UBL5: variants seen among roughly 807,000 people sequenced by gnomAD.
The protein encoded by UBL5 is ubiquitin like 5, also known as ubiquitin-like protein 5.
A neutral mutation model predicts 11.7 loss-of-function variants in UBL5; 13 were observed. That is an observed-to-expected ratio of 1.11 (90% CI 0.73 to 1.77). UBL5 has a LOEUF of 1.77. Among genes scored for constraint, UBL5 ranks in the 40% most tolerant of loss-of-function variants. The pLI is 0.00. For missense variants in UBL5, 58 were observed against 92.3 expected (o/e 0.63, Z 1.52); for synonymous variants, 28 against 34.7 (o/e 0.81, Z 0.68).
At chr19:9,829,934 G>C in intron 4 of UBL5, 31 bp from the exon 5 acceptor site, 1 of 1,614,012 alleles carries the variant, frequency 6.2e-7, no homozygotes, top group South Asian at 1.1e-5. Flanking sequence ...ACGGAAGTCA[G>C]AGTCAGGATT....
intron 4 of UBL5, 174 bp from the exon 5 acceptor site, chr19:9,829,791 C>G: frequency 1.5e-6 from 1 of 652,006 alleles, no homozygotes; most frequent in South Asian, 1.9e-5. Flanking sequence ...GCCACTGCAC[C>G]CAGCCAGAAA....
chr19:9,828,024 C>G, intron 1 of UBL5, 40 bp downstream of exon 1: 1 of 482,910 alleles, frequency 2.1e-6, no homozygotes, highest in South Asian at 2.5e-5. Flanking sequence ...TCGGAGAAAG[C>G]TGTCGCGACC....
intron 4 of UBL5, 197 bp downstream of exon 4, chr19:9,829,071 G>C (rs2046041338): frequency 8.1e-6 from 5 of 619,754 alleles, no homozygotes; most frequent in Non-Finnish European, 1.4e-5. Context: ...TTGACTTCAA[G>C]TTCAAAATAT....
intron 4 of UBL5, 86 bp from the exon 5 acceptor site, chr19:9,829,879 C>T: frequency 6.6e-7 from 1 of 1,523,676 alleles, no homozygotes; most frequent in Non-Finnish European, 9.1e-7. Flanking sequence ...TGGGCTGAGA[C>T]CTCAGGCCAC....
In UBL5 at chr19:9,828,343, C is replaced by T. The variant is rs1484233169; in HGVS notation, c.6C>T (p.Ile2=). Residue 2 remains isoleucine (I), a synonymous_variant, in exon 2 of 5, where the codon ATC becomes ATT. Coordinates refer to ENST00000586895, the MANE Select transcript of UBL5 (RefSeq NM_001048241.3). M[I]EVVCNDRLGK... ...TTTGTGTAGCTCCAGCTAGGATGAT[C>T]GAGGTTGTTTGCAACGACCGTCTGG... The T allele has an allele frequency of 6.7e-7, 1 of 1,489,114 alleles. No homozygotes were observed. Among genetic ancestry groups the T allele is most frequent in the Non-Finnish European group, 9.1e-7 (1 of 1,094,060 alleles). The allele number at this position is 1,489,114 out of a possible 1,614,324, so 92.2% of individuals were successfully genotyped here.
In UBL5 at chr19:9,828,639, CT is replaced by C; in HGVS notation, c.105del (p.Gly36ValfsTer9). On this transcript the variant is annotated frameshift_variant, in exon 3 of 5. Coordinates refer to ENST00000586895, the MANE Select transcript of UBL5 (RefSeq NM_001048241.3). ...CTTAAGAAGCTGATTGCAGCCCAAACTGGTACCCGTTGGAACAAGATTGTCC... is the reference window on the plus strand; with the variant it reads ...CTTAAGAAGCTGATTGCAGCCCAAACGGTACCCGTTGGAACAAGATTGTCC... ...GDLKKLIAAQ[T>X]GTRWNKIVLK... 6.2e-7 allele frequency: 1 copy of C among 1,614,218 alleles called. No individual in the cohort carries two copies. The highest frequency in any genetic ancestry group is 2.2e-5 in the East Asian group (1 of 44,878).
intron 4 of UBL5, chr19:9,829,152 G>T: frequency 2.2e-6 from 1 of 453,578 alleles, no homozygotes; most frequent in Non-Finnish European, 3.9e-6. Flanking sequence ...TATCTATTGT[G>T]CAAAAGGAGC....
chr19:9,828,882 T>G lies in UBL5; in HGVS notation c.178+8T>G. The G allele has an allele frequency of 6.2e-7, 1 of 1,614,136 alleles. No individual in the cohort carries two copies. Among genetic ancestry groups the G allele is most frequent in the Non-Finnish European group, 8.5e-7 (1 of 1,179,958 alleles). On this transcript the variant is annotated splice_region_variant and intron_variant, in intron 4 of 4. Transcript: ENST00000586895. ...ACGTGTCTCTGGGGGACTGTATCCTTTGTGTGACTTTTTGAGGAAGCATCT... is the reference window on the plus strand; with the variant it reads ...ACGTGTCTCTGGGGGACTGTATCCTGTGTGTGACTTTTTGAGGAAGCATCT...
rs201389277 is a variant in UBL5, at chr19:9,830,008, G to A, written c.222G>A (p.Ter74=). The A allele has an allele frequency of 6.2e-7, 1 of 1,613,990 alleles. No homozygotes were observed. The highest frequency in any genetic ancestry group is 8.5e-7 in the Non-Finnish European group (1 of 1,179,942). ...DGMNLELYYQ[*] is the part of the protein sequence containing the mutation. Reference sequence around the variant, plus strand: ...TGAACCTGGAGCTTTATTATCAATAGATGAGAATCCTCATCTTCCTGCCCC... The same window carrying A: ...TGAACCTGGAGCTTTATTATCAATAAATGAGAATCCTCATCTTCCTGCCCC... The change falls in exon 5 of 5, where the codon TAG becomes TAA. Residue 74 remains the stop codon, a stop_retained_variant. Coordinates refer to ENST00000586895, the MANE Select transcript of UBL5 (RefSeq NM_001048241.3).
At chr19:9,829,789 A>C (rs963251823) in intron 4 of UBL5, 176 bp from the exon 5 acceptor site, 27 of 641,572 alleles carry the variant, frequency 4.2e-5, no homozygotes, top group Non-Finnish European at 7.3e-5. Context: ...GAGCCACTGC[A>C]CCCAGCCAGA....
chr19:9,829,669 G>C, intron 4 of UBL5: 1 of 315,324 alleles, frequency 3.2e-6, no homozygotes, highest in East Asian at 6.7e-5. Flanking sequence ...CTAACTTTTT[G>C]TATTTTTAGT....
At chr19:9,829,877 G>A (rs973605677) in intron 4 of UBL5, 88 bp from the exon 5 acceptor site, 1 of 1,506,748 alleles carries the variant, frequency 6.6e-7, no homozygotes, top group African/African-American at 1.4e-5. Context: ...CCTGGGCTGA[G>A]ACCTCAGGCC....
chr19:9,828,731 T>G, intron 3 of UBL5, 56 bp downstream of exon 3: 1 of 1,613,098 alleles, frequency 6.2e-7, no homozygotes, highest in Non-Finnish European at 8.5e-7. Flanking sequence ...AGGTTTTGGT[T>G]GGGGGAGCGC....
chr19:9,828,046 G>A (rs1424081800), intron 1 of UBL5, 62 bp downstream of exon 1: 3 of 531,196 alleles, frequency 5.6e-6, no homozygotes, highest in Non-Finnish European at 1.0e-5. Context: ...AGCCACCCAG[G>A]GTCTGGGGTC....
At chr19:9,829,832 T>TA in intron 4 of UBL5, 133 bp from the exon 5 acceptor site, 1 of 970,658 alleles carries the variant, frequency 1.0e-6, no homozygotes, top group Non-Finnish European at 1.6e-6. Flanking sequence ...TCTCTCCAAA[T>TA]AAAAATGGCC....
chr19:9,829,071 G>A, intron 4 of UBL5, 197 bp downstream of exon 4: 1 of 619,754 alleles, frequency 1.6e-6, no homozygotes, highest in East Asian at 2.7e-5. Context: ...TTGACTTCAA[G>A]TTCAAAATAT....
In UBL5 at chr19:9,828,824, C is replaced by G; in HGVS notation, c.141-13C>G. On this transcript the variant is annotated splice_polypyrimidine_tract_variant and intron_variant, in intron 3 of 4. Transcript: ENST00000586895. The stretch of plus-strand genomic sequence containing the variant: ...CTCCTTAGCCTTATCTCTGAAATGT[C>G]TCTTTTTCTTAGGTACACGATTTTT... 1 of 1,614,152 alleles carries G rather than the reference C, an allele frequency of 6.2e-7. No homozygotes were observed. Among genetic ancestry groups the G allele is most frequent in the South Asian group, 1.1e-5 (1 of 91,084 alleles).
At chr19:9,829,239 A>C (rs887584212) in intron 4 of UBL5, 7 of 221,162 alleles carry the variant, frequency 3.2e-5, no homozygotes, top group Non-Finnish European at 6.4e-5. Flanking sequence ...GCTGGAGTGC[A>C]GTGGCACGAT....
intron 1 of UBL5, 163 bp downstream of exon 1, chr19:9,828,147 G>A (rs2046034803): frequency 3.2e-6 from 2 of 634,874 alleles, no homozygotes; most frequent in Non-Finnish European, 5.5e-6. Context: ...GCGGCCCTGG[G>A]ACAGGGGACT....
Sources: gnomAD v4.1 joint callset for allele counts on GRCh38, gnomAD v4.1.1 for gene constraint, MANE v1.5 for transcripts, NCBI Gene and HGNC (gene_info 2026-07-23, HGNC 2026-07-21) for gene names.